The following PCDH15 variants were observed in gnomAD, a reference collection of about 807,000 sequenced individuals.
PCDH15 encodes protocadherin-15.
Under a neutral mutation model 178.5 loss-of-function variants are expected in PCDH15, and 129 were observed. The observed-to-expected ratio is 0.72, with a 90% confidence interval of 0.63 to 0.84. PCDH15 has a LOEUF of 0.84. PCDH15 is among the 40% of genes least tolerant of loss of function. The pLI, the probability that PCDH15 is intolerant of heterozygous loss-of-function variation, is 0.00. For synonymous variants in PCDH15, 800 were observed against 732.0 expected (o/e 1.09, Z -1.50); for missense variants, 2,230 against 2,099.9 (o/e 1.06, Z -1.21).
At chr10:54,824,436 C>G (rs10763148) in intron 3 of PCDH15, among the ~76,000 whole-genome samples, 42,827 of 151,984 alleles carry the variant, frequency 0.28, 6,159 homozygotes, top group Middle Eastern at 0.37. Flanking sequence ...GAGGCTTTTT[C>G]CCATATGCTA....
At chr10:54,399,396 A>G (rs73251629) in intron 3 of PCDH15, among the ~76,000 whole-genome samples, 3,998 of 152,216 alleles carry the variant, frequency 0.026, 167 homozygotes, top group African/African-American at 0.089. Context: ...GCAAGTTATC[A>G]ACAAAGAGTC....
chr10:54,003,074 A>G (rs1020543387), intron 20 of PCDH15, among the ~76,000 whole-genome samples: 1 of 152,050 alleles, frequency 6.6e-6, no homozygotes, highest in African/African-American at 2.4e-5. Context: ...AGCAGGAAAA[A>G]CTCTTGATTC....
At chr10:54,323,600 G>C (rs1333240978) in intron 7 of PCDH15, among the ~76,000 whole-genome samples, 1 of 152,080 alleles carries the variant, frequency 6.6e-6, no homozygotes, top group Non-Finnish European at 1.5e-5. Context: ...AATCCTAAGT[G>C]AATTAATGCA....
At chr10:54,166,760 A>G (rs904210441) in intron 13 of PCDH15, among the ~76,000 whole-genome samples, 2 of 130,440 alleles carry the variant, frequency 1.5e-5, no homozygotes, top group Admixed American at 7.8e-5. Flanking sequence ...TAACTGAAGA[A>G]TCACAAAAGA....
intron 2 of PCDH15, among the ~76,000 whole-genome samples, chr10:54,656,490 C>T (rs2094409059): frequency 6.6e-6 from 1 of 152,164 alleles, no homozygotes; most frequent in Admixed American, 6.5e-5. Flanking sequence ...ATGTTGTTAA[C>T]TCACACAGGG....
At chr10:55,201,163 C>T (rs7100925) in intron 1 of PCDH15, among the ~76,000 whole-genome samples, 95,641 of 151,948 alleles carry the variant, frequency 0.63, 30,687 homozygotes, top group Non-Finnish European at 0.69. Context: ...TTCTGCTAAG[C>T]AGCTACACTG....
intron 2 of PCDH15, among the ~76,000 whole-genome samples, chr10:55,362,266 T>G (rs1043795962): frequency 6.6e-6 from 1 of 152,162 alleles, no homozygotes; most frequent in Admixed American, 6.6e-5. Flanking sequence ...TGGTACTTTT[T>G]TATTTTGCAG....
intron 1 of PCDH15, among the ~76,000 whole-genome samples, chr10:55,207,904 G>C (rs1354086851): frequency 6.6e-6 from 1 of 152,134 alleles, no homozygotes; most frequent in African/African-American, 2.4e-5. Flanking sequence ...GGAAGGCAGA[G>C]GTTGCAGTGA....
intron 7 of PCDH15, 102 bp from the exon 8 acceptor site, chr10:54,317,543 G>C (rs375302803): frequency 2.3e-6 from 3 of 1,332,262 alleles, no homozygotes; most frequent in Non-Finnish European, 3.2e-6. Context: ...GGGAGGCCAA[G>C]GTGGGTGGAT....
intron 1 of PCDH15, among the ~76,000 whole-genome samples, chr10:54,793,753 G>T (rs1310363949): frequency 6.8e-6 from 1 of 148,024 alleles, no homozygotes; most frequent in Non-Finnish European, 1.5e-5. Context: ...ACTGTGCTTA[G>T]AACTTGGGGT....
At chr10:54,186,950 A>G (rs1284465381) in intron 11 of PCDH15, among the ~76,000 whole-genome samples, 1 of 152,006 alleles carries the variant, frequency 6.6e-6, no homozygotes, top group Non-Finnish European at 1.5e-5. Flanking sequence ...CAATTATTAG[A>G]GTTGATAAAA....
intron 21 of PCDH15, among the ~76,000 whole-genome samples, chr10:53,979,930 T>C (rs889820286): frequency 1.3e-5 from 2 of 152,182 alleles, no homozygotes; most frequent in East Asian, 3.9e-4. Context: ...ATTAAAATGA[T>C]AAACTAGGCC....
At chr10:55,482,997 C>G (rs1335020309) in intron 2 of PCDH15, among the ~76,000 whole-genome samples, 1 of 151,688 alleles carries the variant, frequency 6.6e-6, no homozygotes, top group African/African-American at 2.4e-5. Context: ...AAATGGACCC[C>G]TTTCTTACAC....
At chr10:55,213,757 T>C (rs1302453383) in intron 1 of PCDH15, among the ~76,000 whole-genome samples, 1 of 151,920 alleles carries the variant, frequency 6.6e-6, no homozygotes, top group Non-Finnish European at 1.5e-5. Flanking sequence ...TTTTAGTTTA[T>C]TGAACTTCTT....
chr10:55,290,957 C>T (rs536511659), intron 1 of PCDH15, among the ~76,000 whole-genome samples: 1 of 152,172 alleles, frequency 6.6e-6, no homozygotes, highest in African/African-American at 2.4e-5. Flanking sequence ...AAGTGTCTTC[C>T]TTAAATTCCC....
At chr10:55,609,479 C>T (rs1292707993) in intron 2 of PCDH15, among the ~76,000 whole-genome samples, 3 of 151,960 alleles carry the variant, frequency 2.0e-5, no homozygotes, top group Non-Finnish European at 2.9e-5. Context: ...TTGTTAGGTA[C>T]TCTTAGGTAT....
chr10:54,949,582 T>C (rs905016912), intron 2 of PCDH15, among the ~76,000 whole-genome samples: 2 of 152,012 alleles, frequency 1.3e-5, no homozygotes, highest in South Asian at 2.1e-4. Context: ...TTTTCTTTTA[T>C]ATCGCATAGT....
chr10:55,161,476 A>G (rs1253177487), intron 2 of PCDH15, among the ~76,000 whole-genome samples: 3 of 152,052 alleles, frequency 2.0e-5, no homozygotes, highest in Admixed American at 6.6e-5. Flanking sequence ...TGTTTCTATA[A>G]TATCTAAATC....
At chr10:54,823,794 G>A (rs530268673) in intron 3 of PCDH15, among the ~76,000 whole-genome samples, 8 of 151,972 alleles carry the variant, frequency 5.3e-5, no homozygotes, top group Admixed American at 3.9e-4. Flanking sequence ...AATGGAAATT[G>A]TTTATGACTC....
Sources: allele counts gnomAD v4.1 joint callset (sites outside exome capture counted in the v4.1 genomes callset), GRCh38; gene constraint gnomAD v4.1.1; transcripts MANE v1.5; gene names NCBI Gene and HGNC (gene_info 2026-07-23, HGNC 2026-07-21).